The following CSMD3 variants were observed in gnomAD, a reference collection of about 807,000 sequenced individuals.
CSMD3 encodes the protein CUB and Sushi multiple domains 3.
In CSMD3, 177 loss-of-function variants were observed where a neutral mutation model predicts 435.2. That is an observed-to-expected ratio of 0.41 (90% CI 0.36 to 0.46). The LOEUF is 0.46. CSMD3 is among the 20% of genes least tolerant of loss of function. The pLI, the probability that CSMD3 is intolerant of heterozygous loss-of-function variation, is 0.34. For missense variants in CSMD3, 4,265 were observed against 4,504.6 expected (o/e 0.95, Z 1.52); for synonymous variants, 1,656 against 1,520.5 (o/e 1.09, Z -2.07).
At chr8:113,093,474 TA>T (rs1367959811) in intron 5 of CSMD3, among the ~76,000 whole-genome samples, 4 of 152,150 alleles carry the variant, frequency 2.6e-5, no homozygotes, top group African/African-American at 9.6e-5. Flanking sequence ...ATGTTGCAGA[TA>T]AATCAAGTGA....
chr8:113,172,488 G>A (rs924349426), intron 4 of CSMD3, among the ~76,000 whole-genome samples: 7 of 152,148 alleles, frequency 4.6e-5, no homozygotes, highest in African/African-American at 7.2e-5. Context: ...TTGAAAGAAT[G>A]CCAACATATA....
chr8:112,330,677 C>G (rs1423674669), intron 45 of CSMD3, among the ~76,000 whole-genome samples: 5 of 151,558 alleles, frequency 3.3e-5, no homozygotes, highest in Admixed American at 6.6e-5. Context: ...CAATAAGAAG[C>G]TTAAAGCTTC....
intron 6 of CSMD3, among the ~76,000 whole-genome samples, chr8:112,976,990 C>A (rs2084875066): frequency 6.6e-6 from 1 of 151,804 alleles, no homozygotes; most frequent in Admixed American, 6.6e-5. Context: ...TATAATATTA[C>A]CACATTTTTA....
chr8:112,806,050 T>C (rs1184212948), intron 12 of CSMD3, among the ~76,000 whole-genome samples: 1 of 152,132 alleles, frequency 6.6e-6, no homozygotes, highest in African/African-American at 2.4e-5. Flanking sequence ...CATCTGTTGA[T>C]GCTGAAGGCA....
intron 1 of CSMD3, among the ~76,000 whole-genome samples, chr8:113,379,290 T>A (rs956944108): frequency 2.6e-5 from 4 of 151,774 alleles, no homozygotes; most frequent in African/African-American, 9.7e-5. Flanking sequence ...TTCTGAGAAT[T>A]AAAAAAAACA....
At chr8:113,270,664 T>C (rs958802817) in intron 3 of CSMD3, among the ~76,000 whole-genome samples, 24 of 152,118 alleles carry the variant, frequency 1.6e-4, no homozygotes, top group African/African-American at 5.6e-4. Context: ...GATGAGTTCA[T>C]GTCCTTTGTA....
chr8:113,100,889 G>T (rs1441615548), intron 4 of CSMD3, among the ~76,000 whole-genome samples: 1 of 152,016 alleles, frequency 6.6e-6, no homozygotes, highest in Non-Finnish European at 1.5e-5. Context: ...CTATACCTTG[G>T]ACTTGTGGCA....
At chr8:112,645,393 G>A (rs2074953460) in intron 19 of CSMD3, among the ~76,000 whole-genome samples, 168 bp from the exon 20 acceptor site, 1 of 152,174 alleles carries the variant, frequency 6.6e-6, no homozygotes, top group African/African-American at 2.4e-5. Flanking sequence ...GTACTCAGTA[G>A]CATCTGAGAA....
intron 20 of CSMD3, 117 bp downstream of exon 20, chr8:112,644,992 T>C: frequency 1.3e-6 from 1 of 755,026 alleles, no homozygotes; most frequent in Non-Finnish European, 2.4e-6. Flanking sequence ...TTTTAGCATA[T>C]TGTAGTACTG....
intron 2 of CSMD3, among the ~76,000 whole-genome samples, chr8:113,298,825 C>G (rs1166030853): frequency 6.6e-6 from 1 of 152,002 alleles, no homozygotes; most frequent in African/African-American, 2.4e-5. Context: ...ACAGTAGAGA[C>G]TGAGGAACAG....
chr8:112,262,497 G>C (rs1301006065), intron 61 of CSMD3, among the ~76,000 whole-genome samples: 1 of 152,116 alleles, frequency 6.6e-6, no homozygotes, highest in African/African-American at 2.4e-5. Flanking sequence ...AAAATGTATA[G>C]TATGTCTTAG....
At chr8:113,041,278 T>C (rs1300011007) in intron 5 of CSMD3, among the ~76,000 whole-genome samples, 1 of 150,930 alleles carries the variant, frequency 6.6e-6, no homozygotes, top group African/African-American at 2.4e-5. Context: ...AATGTGTGGG[T>C]CCTACCTTGT....
At chr8:113,030,643 T>C (rs1282210447) in intron 5 of CSMD3, among the ~76,000 whole-genome samples, 1 of 150,804 alleles carries the variant, frequency 6.6e-6, no homozygotes, top group African/African-American at 2.4e-5. Flanking sequence ...AAAAACAATA[T>C]TCATAAAAAA....
intron 31 of CSMD3, among the ~76,000 whole-genome samples, chr8:112,474,940 AC>A (rs1818896111): frequency 6.6e-6 from 1 of 152,034 alleles, no homozygotes; most frequent in African/African-American, 2.4e-5. Flanking sequence ...CCAAAGATGC[AC>A]CCCTCTCATC....
chr8:112,622,276 C>T (rs541493769), intron 22 of CSMD3, among the ~76,000 whole-genome samples: 5 of 152,238 alleles, frequency 3.3e-5, no homozygotes, highest in African/African-American at 1.2e-4. Context: ...TACTGTTCTG[C>T]CCCATGATGT....
At chr8:112,599,761 T>C (rs960959420) in intron 22 of CSMD3, among the ~76,000 whole-genome samples, 2 of 150,114 alleles carry the variant, frequency 1.3e-5, no homozygotes, top group African/African-American at 4.9e-5. Context: ...CAGTAAACTA[T>C]CGCAAGAAGA....
chr8:112,959,611 A>G (rs2084155553), intron 7 of CSMD3, among the ~76,000 whole-genome samples: 1 of 151,810 alleles, frequency 6.6e-6, no homozygotes, highest in Non-Finnish European at 1.5e-5. Context: ...TTGATATGAT[A>G]CCTGGATGTG....
At chr8:113,289,316 A>C (rs894239523) in intron 2 of CSMD3, among the ~76,000 whole-genome samples, 7 of 151,902 alleles carry the variant, frequency 4.6e-5, no homozygotes, top group Admixed American at 4.6e-4. Context: ...AGCTATAACA[A>C]ACTTGGAGTA....
rs1391119683 is a variant in CSMD3, at chr8:113,019,102, T to C, written c.995A>G (p.Asn332Ser). ...WLRLHFVTDS[N>S]HRYRGFSAPY... ...AGCACTAAATCCACGGTATCGATGA[T>C]TGCTGTCTGTAACAAAATGCAGTCT... The change falls in exon 6 of 71, where the codon AAT becomes AGT. Residue 332 changes from asparagine (N) to serine (S), a missense_variant. Physicochemically the swap from Asn to Ser is conservative, Grantham distance 46. Around this residue, in one of 3 missense-constraint regions of CSMD3, gnomAD observed 731 missense variants for 755.4 expected, o/e 0.97. Coordinates refer to ENST00000297405, the MANE Select transcript of CSMD3 (RefSeq NM_198123.2). 4 of 1,613,284 alleles carry C rather than the reference T, an allele frequency of 2.5e-6. No homozygotes were observed. The highest frequency in any genetic ancestry group is 1.3e-5 in the African/African-American group (1 of 74,914).
Sources: allele counts gnomAD v4.1 joint callset (sites outside exome capture counted in the v4.1 genomes callset), GRCh38; gene constraint gnomAD v4.1.1; regional missense constraint gnomAD v4.1.1; transcripts MANE v1.5; gene names NCBI Gene and HGNC (gene_info 2026-07-23, HGNC 2026-07-21).